The following KIRREL3 variants were observed in gnomAD, a reference collection of about 807,000 sequenced individuals.
The protein encoded by KIRREL3 is kirre like nephrin family adhesion molecule 3.
KIRREL3 carries 36 observed loss-of-function variants against 89.7 expected under a neutral mutation model. The observed-to-expected ratio is 0.40, with a 90% CI of 0.31 to 0.53. KIRREL3 has a LOEUF of 0.53. KIRREL3 is among the 20% of genes least tolerant of loss of function. KIRREL3 has a pLI of 0.49. For synonymous variants in KIRREL3, 445 were observed against 441.4 expected, an observed-to-expected ratio of 1.01 and a Z score of -0.10; for missense variants, 864 against 1,056.6, an observed-to-expected ratio of 0.82 and a Z score of 2.53.
chr11:126,884,139 G>T (rs566213269), intron 1 of KIRREL3, among the ~76,000 whole-genome samples: 1 of 152,318 alleles, frequency 6.6e-6, no homozygotes, highest in South Asian at 2.1e-4. Context: ...TAGTACCGTG[G>T]TTCTCAGTGT....
chr11:126,804,058 A>C (rs1592151009), intron 1 of KIRREL3, among the ~76,000 whole-genome samples: 1 of 152,318 alleles, frequency 6.6e-6, no homozygotes, highest in Middle Eastern at 3.4e-3. Flanking sequence ...GTATGTAGGC[A>C]TGCATGTTTG....
rs575402508 is a variant in KIRREL3, at chr11:127,000,691, G to A, written c.-182C>T. 6 of 563,976 alleles carry A rather than the reference G, an allele frequency of 1.1e-5. No homozygotes were observed. The highest frequency in any genetic ancestry group is 4.6e-4 in the Middle Eastern group (1 of 2,172). 34.9% of individuals were successfully genotyped at this position (563,976 alleles called of 1,614,324 possible). On this transcript the variant is annotated 5_prime_UTR_variant, in exon 1 of 17. Transcript: ENST00000525144. The surrounding 1 kb of genome is among the most constrained non-coding windows in gnomAD (Gnocchi z 7.1). ...TGCCTCTGGGTATCTGCAGCCAGCC[G>A]ACACAAACTGCCTGTTCTTAGCCGC... is the stretch of plus-strand genomic sequence containing the variant.
chr11:126,469,048 A>G (rs1956808579), intron 5 of KIRREL3, among the ~76,000 whole-genome samples: 1 of 152,204 alleles, frequency 6.6e-6, no homozygotes, highest in African/African-American at 2.4e-5. Context: ...CAAGCTCGCT[A>G]TGTGCCAGGC....
intron 4 of KIRREL3, among the ~76,000 whole-genome samples, chr11:126,502,487 TA>T (rs1318166802): frequency 6.6e-6 from 1 of 152,240 alleles, no homozygotes; most frequent in East Asian, 1.9e-4. Flanking sequence ...CAGCGAGTGC[TA>T]AAAACCTCCC....
At position 126,476,293 on chromosome 11, in the gene KIRREL3, T is replaced by TCCCCTCCCCAGCTC. The variant is rs1957061920; in HGVS notation, c.434-2828_434-2827insGAGCTGGGGAGGGG. On this transcript the variant is annotated intron_variant, in intron 4 of 16. Transcript: ENST00000525144. This position sits in a 1 kb window ranked among gnomAD's most constrained non-coding sequence, Gnocchi z 6.4. ...GGACTTTGGGGAGCTCCCCAGGGGG[T>TCCCCTCCCCAGCTC]CCCATGGCAGGACCAGCTTTCTGGG... is the stretch of plus-strand genomic sequence containing the variant. Among the ~76,000 whole-genome samples the TCCCCTCCCCAGCTC allele has an allele frequency of 3.3e-5, 5 of 151,714 alleles. No homozygotes were observed. In the South Asian group the frequency reaches 1.0e-3, roughly 32 times the overall value.
In KIRREL3 at chr11:126,498,835, T is replaced by A. The variant is rs1957759431; in HGVS notation, c.433+22480A>T. 4.6e-5 allele frequency among the ~76,000 whole-genome samples: 7 copies of A among 152,134 alleles called. No individual in the cohort carries two copies. The highest frequency in any genetic ancestry group is 4.6e-4 in the Admixed American group (7 of 15,280). ...CAGTAAATGCCAGTTCTTCACAGGC[T>A]CAGGACCTCGACGCACGGAAACTTC... On this transcript the variant is annotated intron_variant, in intron 4 of 16. Coordinates refer to ENST00000525144, the MANE Select transcript of KIRREL3 (RefSeq NM_032531.4). This position sits in a 1 kb window ranked among gnomAD's most constrained non-coding sequence, Gnocchi z 4.3.
At chr11:126,690,510 G>A (rs1462139199) in intron 1 of KIRREL3, among the ~76,000 whole-genome samples, 4 of 152,110 alleles carry the variant, frequency 2.6e-5, no homozygotes, top group African/African-American at 4.8e-5. Context: ...ATGTTACCTG[G>A]TTCTTTGGGG....
rs1168185977 is a variant in KIRREL3 at position 126,519,089 on chromosome 11, G to GCTGAT, written c.433+2221_433+2225dup. ...TGGAAACTTCCTCTGCCCTCCTTCCGCTGATCTCCAGACTTGAATAAAACA... is the reference window on the plus strand; with the variant it reads ...TGGAAACTTCCTCTGCCCTCCTTCCGCTGATCTGATCTCCAGACTTGAATAAAACA... On this transcript the variant is annotated intron_variant, in intron 4 of 16. Coordinates refer to ENST00000525144, the MANE Select transcript of KIRREL3 (RefSeq NM_032531.4). The surrounding 1 kb of genome is among the most constrained non-coding windows in gnomAD (Gnocchi z 4.3). Among the ~76,000 whole-genome samples the GCTGAT allele has an allele frequency of 2.0e-5, 3 of 152,306 alleles. No homozygotes were observed. The East Asian group carries it at 5.8e-4, about 29-fold the overall frequency.
chr11:126,526,625 T>A lies in KIRREL3; in HGVS notation c.196A>T (p.Thr66Ser). Residue 66 changes from threonine to serine, a missense_variant, in exon 3 of 17, where the codon ACG becomes TCG. Transcript: ENST00000525144. This position sits in a 1 kb window ranked among gnomAD's most constrained non-coding sequence, Gnocchi z 5.7. ...TATTCGGGGATGGCGCAAAGTAGCGTCACTGGCTGTCCCGACACCACCACC... is the reference window on the plus strand; with the variant it reads ...TATTCGGGGATGGCGCAAAGTAGCGACACTGGCTGTCCCGACACCACCACC... The part of the protein sequence containing the change: ...DQVVVSGQPV[T>S]LLCAIPEYDG... The A allele has an allele frequency of 6.3e-7, 1 of 1,597,716 alleles. No homozygotes were observed. The highest frequency in any genetic ancestry group is 8.5e-7 in the Non-Finnish European group (1 of 1,172,440).
In KIRREL3 at chr11:126,544,284, T is replaced by C. The variant is rs558324267; in HGVS notation, c.134-17597A>G. 6.6e-6 allele frequency: 1 copy of C among 152,358 alleles called. No individual in the cohort carries two copies. Among genetic ancestry groups the C allele is most frequent in the African/African-American group, 2.4e-5 (1 of 41,574 alleles). The allele number at this position is 152,358 out of a possible 1,614,324, so 9.4% of individuals were successfully genotyped here. On this transcript the variant is annotated intron_variant, in intron 2 of 16. Transcript: ENST00000525144. The surrounding 1 kb of genome is among the most constrained non-coding windows in gnomAD (Gnocchi z 5.6). ...CAGAATTTACGGGGCAAATACCATT[T>C]AACTGCACAATAACTGCAGGTCCTT...
intron 1 of KIRREL3, among the ~76,000 whole-genome samples, chr11:126,874,360 T>C (rs888735440): frequency 1.2e-4 from 18 of 152,126 alleles, no homozygotes; most frequent in Non-Finnish European, 2.6e-4. Context: ...AGTTAAAGAA[T>C]GGAGTGGGGA....
Position 126,610,581 on chromosome 11 carries a change from TG to T in KIRREL3, c.56-47670del, listed in dbSNP as rs1943089151. Reference sequence around the variant, plus strand: ...CTGTGGGCGTAGAGCACTCAACAAATGCCAGGCACTGGGGCTATAATCACAT... The same window carrying T: ...CTGTGGGCGTAGAGCACTCAACAAATCCAGGCACTGGGGCTATAATCACAT... On this transcript the variant is annotated intron_variant, in intron 1 of 16. Transcript: ENST00000525144. This position sits in a 1 kb window ranked among gnomAD's most constrained non-coding sequence, Gnocchi z 4.6. The T allele has an allele frequency of 6.6e-6, 1 of 152,174 alleles. No homozygotes were observed. The highest frequency in any genetic ancestry group is 2.1e-4 in the South Asian group (1 of 4,824). The allele number at this position is 152,174 out of a possible 1,614,324, so 9.4% of individuals were successfully genotyped here.
chr11:126,825,403 A>T (rs949853945), intron 1 of KIRREL3, among the ~76,000 whole-genome samples: 10 of 152,252 alleles, frequency 6.6e-5, no homozygotes, highest in African/African-American at 2.4e-4. Context: ...ATTAAAAAAC[A>T]AATTTGTGGT....
chr11:126,929,356 T>C (rs1947845390), intron 1 of KIRREL3, among the ~76,000 whole-genome samples: 1 of 152,016 alleles, frequency 6.6e-6, no homozygotes, highest in Non-Finnish European at 1.5e-5. Context: ...AGGTACAGGC[T>C]TGTGGGTGCT....
intron 1 of KIRREL3, among the ~76,000 whole-genome samples, chr11:126,793,924 T>C (rs76543644): frequency 1.6e-3 from 247 of 152,288 alleles, no homozygotes; most frequent in African/African-American, 5.4e-3. Flanking sequence ...TAGGCACCTA[T>C]TGAAAATCTG....
intron 1 of KIRREL3, among the ~76,000 whole-genome samples, chr11:126,821,159 A>G (rs1943200246): frequency 6.6e-6 from 1 of 151,726 alleles, no homozygotes; most frequent in Admixed American, 6.6e-5. Context: ...TTGTTTCTTC[A>G]ATTCTCAGGG....
At chr11:126,478,690 T>G (rs1171838792) in intron 4 of KIRREL3, among the ~76,000 whole-genome samples, 1 of 152,138 alleles carries the variant, frequency 6.6e-6, no homozygotes, top group Non-Finnish European at 1.5e-5. Context: ...TATGTGCATG[T>G]AGATGTACAT....
rs1037137580 is a variant in KIRREL3 at position 126,521,334 on chromosome 11, G to C, written c.414C>G (p.Pro138=). 42 of 1,550,584 alleles carry C rather than the reference G, an allele frequency of 2.7e-5. No homozygotes were observed. Among genetic ancestry groups the C allele is most frequent in the Non-Finnish European group, 3.6e-5 (41 of 1,146,280 alleles). The change falls in exon 4 of 17, where the codon CCC becomes CCG. Residue 138 remains proline, a synonymous_variant. Coordinates refer to ENST00000525144, the MANE Select transcript of KIRREL3 (RefSeq NM_032531.4). The surrounding 1 kb of genome is among the most constrained non-coding windows in gnomAD (Gnocchi z 4.1). ...QAIQAAIRSR[P]ARLTVLVPPD... ...TCTTACCCAGGACTGTGAGGCGTGC[G>C]GGGCGGGAGCGGATGGCGGCCTGGA...
At chr11:126,942,559 G>A (rs568592263) in intron 1 of KIRREL3, among the ~76,000 whole-genome samples, 2 of 152,294 alleles carry the variant, frequency 1.3e-5, no homozygotes, top group African/African-American at 4.8e-5. Context: ...CTTCCAGCTG[G>A]AGGGGGTCAC....
Sources: gnomAD v4.1 joint callset for allele counts (sites outside exome capture counted in the v4.1 genomes callset) on GRCh38, gnomAD v4.1.1 for gene constraint, Gnocchi (gnomAD v3.1) non-coding constraint, MANE v1.5 for transcripts, NCBI Gene and HGNC (gene_info 2026-07-23, HGNC 2026-07-21) for gene names.